Variants in CSMD3 observed in about 807,000 individuals in gnomAD.
The protein encoded by CSMD3 is CUB and Sushi multiple domains 3.
A neutral mutation model predicts 435.2 loss-of-function variants in CSMD3; 177 were observed. That is an observed-to-expected ratio of 0.41 (90% CI 0.36 to 0.46). The LOEUF (loss-of-function observed/expected upper bound fraction) is 0.46. CSMD3 is among the 20% of genes least tolerant of loss of function. The pLI, the probability that CSMD3 is intolerant of heterozygous loss-of-function variation, is 0.34. For missense variants in CSMD3, 4,265 were observed against 4,504.6 expected (o/e 0.95, Z 1.52); for synonymous variants, 1,656 against 1,520.5 (o/e 1.09, Z -2.07).
At chr8:113,212,588 G>C (rs932598347) in intron 3 of CSMD3, among the ~76,000 whole-genome samples, 12 of 152,146 alleles carry the variant, frequency 7.9e-5, no homozygotes, top group Admixed American at 4.6e-4. Context: ...GTCCTTTGTA[G>C]GGACATGGAT....
intron 1 of CSMD3, among the ~76,000 whole-genome samples, chr8:113,345,535 A>C (rs1056476756): frequency 6.6e-6 from 1 of 152,142 alleles, no homozygotes; most frequent in Admixed American, 6.6e-5. Context: ...CATATGCTTA[A>C]GCAATGAGAA....
intron 17 of CSMD3, among the ~76,000 whole-genome samples, chr8:112,661,310 T>C (rs1306449667): frequency 1.3e-5 from 2 of 152,114 alleles, no homozygotes; most frequent in African/African-American, 4.8e-5. Flanking sequence ...GGCTATACAG[T>C]ACAAGTGAAT....
intron 10 of CSMD3, among the ~76,000 whole-genome samples, chr8:112,898,092 C>A (rs1451632185): frequency 6.6e-6 from 1 of 150,986 alleles, no homozygotes; most frequent in East Asian, 2.0e-4. Context: ...CTGCTGTGCC[C>A]AAATGACATT....
intron 20 of CSMD3, among the ~76,000 whole-genome samples, chr8:112,642,023 C>T (rs2074843697): frequency 1.3e-5 from 2 of 151,898 alleles, no homozygotes; most frequent in Non-Finnish European, 1.5e-5. Context: ...GTTTCAATAT[C>T]GTAATTACTT....
intron 1 of CSMD3, among the ~76,000 whole-genome samples, chr8:113,318,653 T>A (rs897878612): frequency 1.3e-5 from 2 of 152,204 alleles, no homozygotes; most frequent in Admixed American, 6.5e-5. Context: ...TTAAAAAAAA[T>A]ATATTCCACA....
chr8:113,436,002 T>G (rs1586203689), intron 1 of CSMD3, among the ~76,000 whole-genome samples: 1 of 152,230 alleles, frequency 6.6e-6, no homozygotes, highest in Non-Finnish European at 1.5e-5. Context: ...AGCTAATGAC[T>G]TTCCTCCTAC....
chr8:112,303,838 C>T (rs1821155277), intron 52 of CSMD3, among the ~76,000 whole-genome samples: 1 of 151,918 alleles, frequency 6.6e-6, no homozygotes, highest in African/African-American at 2.4e-5. Flanking sequence ...TCATAATAAC[C>T]CTAGGTAGAC....
intron 3 of CSMD3, among the ~76,000 whole-genome samples, chr8:113,239,603 C>A (rs1278885349): frequency 6.6e-6 from 1 of 151,844 alleles, no homozygotes; most frequent in Non-Finnish European, 1.5e-5. Context: ...AAGAAGTGGG[C>A]TGTTTCTGTA....
At chr8:113,220,046 A>T (rs2092948814) in intron 3 of CSMD3, among the ~76,000 whole-genome samples, 1 of 151,458 alleles carries the variant, frequency 6.6e-6, no homozygotes, top group South Asian at 2.1e-4. Flanking sequence ...ATGGTAATAG[A>T]CACACAAATT....
At chr8:113,156,495 T>TA (rs1221124858) in intron 4 of CSMD3, among the ~76,000 whole-genome samples, 9 of 151,102 alleles carry the variant, frequency 6.0e-5, no homozygotes, top group Admixed American at 3.3e-4. Context: ...CCTAGCATAC[T>TA]AAAAAAAAAT....
intron 1 of CSMD3, among the ~76,000 whole-genome samples, chr8:113,317,696 T>G (rs1457429001): frequency 1.3e-5 from 2 of 152,114 alleles, no homozygotes; most frequent in Non-Finnish European, 2.9e-5. Context: ...AAGCAAAATA[T>G]CCTCCCTCAT....
intron 10 of CSMD3, among the ~76,000 whole-genome samples, chr8:112,890,758 T>C (rs914426188): frequency 1.3e-5 from 2 of 151,726 alleles, no homozygotes; most frequent in East Asian, 2.0e-4. Flanking sequence ...ACCTCAGCCA[T>C]ATAACTTGTT....
rs371999639 is a variant in CSMD3, at chr8:112,622,091, A to G, written c.3715+14726T>C. Among the ~76,000 whole-genome samples the G allele has an allele frequency of 3.2e-4, 48 of 152,336 alleles. 1 individual carries two copies. Among genetic ancestry groups the G allele is most frequent in the African/African-American group, 1.1e-3 (47 of 41,586 alleles). On this transcript the variant is annotated intron_variant, in intron 22 of 70. Transcript: ENST00000297405. ...GTGTGAATTCCGATTGGGAAACCAAATATTTGCGTCTGAATTGAAGATGTC... is the reference window on the plus strand; with the variant it reads ...GTGTGAATTCCGATTGGGAAACCAAGTATTTGCGTCTGAATTGAAGATGTC...
chr8:112,376,801 G>A (rs1278606786), intron 38 of CSMD3, among the ~76,000 whole-genome samples: 1 of 152,078 alleles, frequency 6.6e-6, no homozygotes, highest in Non-Finnish European at 1.5e-5. Flanking sequence ...TATTTTAATT[G>A]TTTGGTAAGT....
chr8:112,688,509 C>G (rs984679314), intron 14 of CSMD3, among the ~76,000 whole-genome samples: 9 of 152,082 alleles, frequency 5.9e-5, no homozygotes. Flanking sequence ...AATTGCAAAG[C>G]AATTTCTGTA....
intron 64 of CSMD3, 38 bp downstream of exon 64, chr8:112,246,982 T>C: frequency 7.2e-7 from 1 of 1,381,290 alleles, no homozygotes; most frequent in South Asian, 1.2e-5. Context: ...TATAAATTCT[T>C]ACCCATGATA....
rs528777149 is a variant in CSMD3 at position 113,405,708 on chromosome 8, T to C, written c.178+30969A>G. 1.3e-5 allele frequency among the ~76,000 whole-genome samples: 2 copies of C among 151,816 alleles called. 1 individual carries two copies. The highest frequency in any genetic ancestry group is 4.1e-4 in the South Asian group (2 of 4,824). ...GCAGATGAAAATGTAGGATCACCTA[T>C]GGATGAGCAAATTATAAGCAAAGGA... On this transcript the variant is annotated intron_variant, in intron 1 of 70. Transcript: ENST00000297405.
chr8:112,645,686 C>A lies in CSMD3; in HGVS notation c.3194-461G>T, dbSNP rs115416319. ...AGTTTTTAAGGCTGCTTCTGGGTTT[C>A]TTTATTTTTCTAGGAAATATTATGA... On this transcript the variant is annotated intron_variant, in intron 19 of 70. Transcript: ENST00000297405. 3.6e-3 allele frequency among the ~76,000 whole-genome samples: 547 copies of A among 152,064 alleles called. 5 individuals carry two copies. Among genetic ancestry groups the A allele is most frequent in the African/African-American group, 0.012 (512 of 41,512 alleles).
At chr8:112,561,854 T>G (rs937838467) in intron 24 of CSMD3, among the ~76,000 whole-genome samples, 1 of 151,640 alleles carries the variant, frequency 6.6e-6, no homozygotes, top group African/African-American at 2.4e-5. Flanking sequence ...TTGCGTTTTA[T>G]CTTTATAATT....
Sources: allele counts gnomAD v4.1 joint callset (sites outside exome capture counted in the v4.1 genomes callset), GRCh38; gene constraint gnomAD v4.1.1; transcripts MANE v1.5; gene names NCBI Gene and HGNC (gene_info 2026-07-23, HGNC 2026-07-21).